Variants in PLXDC2 observed in about 807,000 individuals in gnomAD.
PLXDC2 encodes plexin domain-containing protein 2.
In PLXDC2, 40 loss-of-function variants were observed where a neutral mutation model predicts 68.9. The observed-to-expected ratio is 0.58, with a 90% CI of 0.45 to 0.76. PLXDC2 has a LOEUF of 0.76. Ranked by LOEUF, PLXDC2 falls within the 30% of genes least tolerant of loss-of-function variation. PLXDC2 has a pLI of 0.00. For missense variants in PLXDC2, 644 were observed against 661.9 expected, an observed-to-expected ratio of 0.97 and a Z score of 0.30; for synonymous variants, 243 against 234.2, an observed-to-expected ratio of 1.04 and a Z score of -0.34.
At chr10:20,141,799 T>C (rs2461922) in intron 4 of PLXDC2, among the ~76,000 whole-genome samples, 137,913 of 151,856 alleles carry the variant, frequency 0.91, 62,804 homozygotes, top group Non-Finnish European at 0.94. Flanking sequence ...ATGTTTAATA[T>C]GCTTGAGCTG....
chr10:20,035,498 A>G (rs2131671439), intron 2 of PLXDC2, among the ~76,000 whole-genome samples: 1 of 152,190 alleles, frequency 6.6e-6, no homozygotes, highest in African/African-American at 2.4e-5. Context: ...GGAGTTCGAG[A>G]CCAGCCTGGC....
At chr10:20,167,298 C>T (rs143169474) in intron 7 of PLXDC2, among the ~76,000 whole-genome samples, 10 of 152,186 alleles carry the variant, frequency 6.6e-5, no homozygotes, top group African/African-American at 1.2e-4. Flanking sequence ...AAGAGATACA[C>T]GGTTGCATTG....
intron 4 of PLXDC2, among the ~76,000 whole-genome samples, chr10:20,086,268 T>C (rs1010688641): frequency 1.3e-5 from 2 of 152,188 alleles, no homozygotes; most frequent in African/African-American, 2.4e-5. Context: ...GAAGGAATCC[T>C]CCCATCTCAG....
intron 1 of PLXDC2, among the ~76,000 whole-genome samples, chr10:19,889,285 A>G (rs1187791737): frequency 6.6e-6 from 1 of 151,664 alleles, no homozygotes; most frequent in African/African-American, 2.4e-5. Context: ...GGTTATTTTT[A>G]TTTCTCTTAA....
At chr10:20,214,904 G>A (rs1485209581) in intron 10 of PLXDC2, among the ~76,000 whole-genome samples, 1 of 152,174 alleles carries the variant, frequency 6.6e-6, no homozygotes, top group Non-Finnish European at 1.5e-5. Flanking sequence ...TTGAGTTTGA[G>A]ATGTGTGTGA....
chr10:19,822,914 TTTAC>T (rs1443963144), intron 1 of PLXDC2, among the ~76,000 whole-genome samples: 1 of 152,036 alleles, frequency 6.6e-6, no homozygotes, highest in Non-Finnish European at 1.5e-5. Flanking sequence ...TTTCTGGATG[TTTAC>T]TTACTTTTTT....
At chr10:20,154,162 A>G (rs1013510265) in intron 6 of PLXDC2, among the ~76,000 whole-genome samples, 1 of 152,184 alleles carries the variant, frequency 6.6e-6, no homozygotes, top group Non-Finnish European at 1.5e-5. Context: ...TCTTCGTATT[A>G]AGTTGCCATT....
intron 2 of PLXDC2, among the ~76,000 whole-genome samples, chr10:20,042,916 C>A (rs929215300): frequency 3.3e-5 from 5 of 152,284 alleles, no homozygotes; most frequent in African/African-American, 1.2e-4. Context: ...CTTTCTCTAA[C>A]AGTTGGTTTC....
intron 3 of PLXDC2, among the ~76,000 whole-genome samples, chr10:20,066,559 A>G (rs1405842195): frequency 6.6e-6 from 1 of 152,164 alleles, no homozygotes; most frequent in African/African-American, 2.4e-5. Context: ...CTCTTCCTTC[A>G]TTTTAGGGTT....
chr10:19,985,734 T>C (rs1447116651), intron 1 of PLXDC2, among the ~76,000 whole-genome samples: 1 of 152,210 alleles, frequency 6.6e-6, no homozygotes, highest in Admixed American at 6.5e-5. Flanking sequence ...TGAAAACATA[T>C]ACTCAAGCAA....
intron 2 of PLXDC2, among the ~76,000 whole-genome samples, chr10:20,041,144 AC>A (rs1384689800): frequency 2.0e-5 from 3 of 152,196 alleles, no homozygotes; most frequent in African/African-American, 7.2e-5. Context: ...GCTAATAGTT[AC>A]GGAATTTTTA....
intron 12 of PLXDC2, among the ~76,000 whole-genome samples, chr10:20,232,873 A>G (rs1835383783): frequency 6.6e-6 from 1 of 152,208 alleles, no homozygotes; most frequent in Non-Finnish European, 1.5e-5. Context: ...CATTTCAAAT[A>G]TGCAAATTTG....
intron 9 of PLXDC2, among the ~76,000 whole-genome samples, chr10:20,184,645 AACAG>A (rs1214508212): frequency 6.6e-6 from 1 of 151,896 alleles, no homozygotes; most frequent in African/African-American, 2.4e-5. Flanking sequence ...TAAGTTTGGA[AACAG>A]ACAGAGACAG....
At chr10:20,049,695 C>T (rs1835860107) in intron 3 of PLXDC2, among the ~76,000 whole-genome samples, 1 of 151,816 alleles carries the variant, frequency 6.6e-6, no homozygotes, top group Non-Finnish European at 1.5e-5. Context: ...AAACACTGCT[C>T]AAAGAAATCA....
intron 13 of PLXDC2, among the ~76,000 whole-genome samples, chr10:20,245,767 G>A (rs1043341274): frequency 1.3e-5 from 2 of 152,082 alleles, no homozygotes; most frequent in African/African-American, 4.8e-5. Flanking sequence ...AAAGAAAATG[G>A]GAACCATAGT....
chr10:19,832,914 C>T (rs931455001), intron 1 of PLXDC2, among the ~76,000 whole-genome samples: 1 of 152,180 alleles, frequency 6.6e-6, no homozygotes, highest in Non-Finnish European at 1.5e-5. Context: ...GAAATTTCCT[C>T]GTTGCCATTT....
chr10:19,943,969 G>A (rs1225292163), intron 1 of PLXDC2, among the ~76,000 whole-genome samples: 1 of 152,114 alleles, frequency 6.6e-6, no homozygotes, highest in Admixed American at 6.5e-5. Context: ...AAATGGCTTG[G>A]TATTAATTCT....
chr10:20,148,745 A>T (rs1834111481), intron 6 of PLXDC2, among the ~76,000 whole-genome samples: 1 of 152,212 alleles, frequency 6.6e-6, no homozygotes, highest in Admixed American at 6.5e-5. Flanking sequence ...GGGTATTTAT[A>T]ATATTACAGA....
intron 4 of PLXDC2, among the ~76,000 whole-genome samples, chr10:20,133,772 AT>A (rs1272991549): frequency 6.6e-6 from 1 of 152,074 alleles, no homozygotes; most frequent in African/African-American, 2.4e-5. Context: ...GTTTTCTGTT[AT>A]TGTTTATGCA....
Sources: gnomAD v4.1 joint callset for allele counts (sites outside exome capture counted in the v4.1 genomes callset) on GRCh38, gnomAD v4.1.1 for gene constraint, MANE v1.5 for transcripts, NCBI Gene and HGNC (gene_info 2026-07-23, HGNC 2026-07-21) for gene names.